Variants in ZBTB20 observed in about 807,000 individuals in gnomAD.
The protein encoded by ZBTB20 is zinc finger and BTB domain-containing protein 20.
In ZBTB20, 9 loss-of-function variants were observed where a neutral mutation model predicts 56.9. The ratio of observed to expected loss-of-function variants is 0.16; its 90% CI spans 0.10 to 0.28. The LOEUF is 0.28. ZBTB20 is among the 10% of genes least tolerant of loss of function. The pLI is 1.00. For synonymous variants in ZBTB20, 417 were observed against 420.7 expected (o/e 0.99, Z 0.11); for missense variants, 655 against 1,003.0 (o/e 0.65, Z 4.69).
At chr3:114,862,878 T>C (rs188476181) in intron 4 of ZBTB20, among the ~76,000 whole-genome samples, 38 of 152,236 alleles carry the variant, frequency 2.5e-4, no homozygotes, top group Non-Finnish European at 2.5e-4. Flanking sequence ...TCTAGGATAA[T>C]AGTGATCCTC....
intron 4 of ZBTB20, among the ~76,000 whole-genome samples, chr3:114,889,876 C>A (rs961389260): frequency 3.3e-5 from 5 of 151,936 alleles, no homozygotes; most frequent in Non-Finnish European, 7.4e-5. Flanking sequence ...ATACAGAAGA[C>A]CATATTTTAT....
At chr3:114,780,902 C>A (rs1205222482) in intron 5 of ZBTB20, among the ~76,000 whole-genome samples, 1 of 152,160 alleles carries the variant, frequency 6.6e-6, no homozygotes, top group Non-Finnish European at 1.5e-5. Flanking sequence ...TTCTGTATTA[C>A]CAACATGCTA....
chr3:114,717,798 T>G (rs1173282614), intron 5 of ZBTB20, among the ~76,000 whole-genome samples: 1 of 149,512 alleles, frequency 6.7e-6, no homozygotes, highest in East Asian at 2.0e-4. Flanking sequence ...CCAAATGCAA[T>G]GGTCACATTT....
chr3:114,641,227 T>C (rs891163234), intron 6 of ZBTB20, among the ~76,000 whole-genome samples: 2 of 152,000 alleles, frequency 1.3e-5, no homozygotes, highest in Non-Finnish European at 2.9e-5. Flanking sequence ...TGGCCAAGCA[T>C]GTTGTAGCAA....
intron 6 of ZBTB20, among the ~76,000 whole-genome samples, chr3:114,660,725 T>C (rs941866906): frequency 6.6e-6 from 1 of 152,206 alleles, no homozygotes; most frequent in African/African-American, 2.4e-5. Context: ...ACAGGTCATG[T>C]AATTTAAAAT....
At chr3:114,712,327 T>C (rs958110084) in intron 5 of ZBTB20, among the ~76,000 whole-genome samples, 5 of 152,166 alleles carry the variant, frequency 3.3e-5, no homozygotes, top group African/African-American at 9.7e-5. Flanking sequence ...CTTACAGTTA[T>C]ATAAAATTCT....
chr3:115,055,820 AAAAT>A (rs1206243689), intron 2 of ZBTB20, among the ~76,000 whole-genome samples: 1 of 152,138 alleles, frequency 6.6e-6, no homozygotes, highest in African/African-American at 2.4e-5. Context: ...TTCATACACT[AAAAT>A]AAATACAGAT....
In ZBTB20 at chr3:114,337,040, G is replaced by C. The variant is rs909036513; in HGVS notation, c.*1965C>G. 1 of 152,236 alleles carries C rather than the reference G, an allele frequency of 6.6e-6. No homozygotes were observed. The allele number at this position is 152,236 out of a possible 1,614,324, so 9.4% of individuals were successfully genotyped here. A position where few individuals can be genotyped will look rare whatever the true frequency, so the allele number is the denominator to read the frequency against. ...AGGAGAGAAATCCCTACTAGGAAGA[G>C]AGAGTGGCATCTGGTATGATGCAAT... is the stretch of plus-strand genomic sequence containing the variant. On this transcript the variant is annotated 3_prime_UTR_variant, in exon 12 of 12. Transcript: ENST00000675478.
intron 6 of ZBTB20, among the ~76,000 whole-genome samples, chr3:114,508,507 A>T (rs1286853524): frequency 6.6e-6 from 1 of 152,156 alleles, no homozygotes; most frequent in Non-Finnish European, 1.5e-5. Flanking sequence ...AAGCACTAAC[A>T]TGTACCAATC....
chr3:114,923,046 G>A (rs1438352786), intron 3 of ZBTB20, among the ~76,000 whole-genome samples: 1 of 152,124 alleles, frequency 6.6e-6, no homozygotes, highest in Non-Finnish European at 1.5e-5. Context: ...TTGGTACACT[G>A]AAAACTCTTA....
intron 6 of ZBTB20, among the ~76,000 whole-genome samples, chr3:114,682,481 T>C (rs759820318): frequency 6.6e-6 from 1 of 152,214 alleles, no homozygotes; most frequent in East Asian, 1.9e-4. Flanking sequence ...CCCTCAGTGA[T>C]AGAGCTGGAA....
intron 2 of ZBTB20, among the ~76,000 whole-genome samples, chr3:115,060,928 T>C (rs2081989628): frequency 6.6e-6 from 1 of 152,136 alleles, no homozygotes; most frequent in Admixed American, 6.6e-5. Context: ...GGAGATAAAG[T>C]TAACTCTGTA....
intron 5 of ZBTB20, among the ~76,000 whole-genome samples, chr3:114,710,807 A>T (rs921569876): frequency 1.3e-5 from 2 of 152,164 alleles, no homozygotes; most frequent in Admixed American, 6.5e-5. Flanking sequence ...TGTAAATGAG[A>T]TCATACATGC....
Position 114,938,178 on chromosome 3 carries a change from T to C in ZBTB20, c.-456+36188A>G, listed in dbSNP as rs552780905. 5.2e-4 allele frequency among the ~76,000 whole-genome samples: 75 copies of C among 143,780 alleles called. 15 individuals carry two copies. Among genetic ancestry groups the C allele is most frequent in the African/African-American group, 2.1e-3 (70 of 33,840 alleles). The allele number at this position is 143,780 out of a possible 152,430, so 94.3% of individuals were successfully genotyped here. ...CTTATAGATTCTGGATATTAGCCCT[T>C]TGTCAGATGGATAGATGGCAAAAAT... On this transcript the variant is annotated intron_variant, in intron 3 of 11. Coordinates refer to ENST00000675478, the MANE Select transcript of ZBTB20 (RefSeq NM_001348800.3).
intron 4 of ZBTB20, among the ~76,000 whole-genome samples, chr3:114,863,164 T>C (rs185834175): frequency 4.1e-4 from 63 of 152,212 alleles, no homozygotes; most frequent in African/African-American, 1.3e-3. Flanking sequence ...GAGGACATTA[T>C]AGCAAAAAGT....
chr3:114,342,881 G>C (rs370223340), intron 11 of ZBTB20, among the ~76,000 whole-genome samples: 1 of 152,220 alleles, frequency 6.6e-6, no homozygotes, highest in Non-Finnish European at 1.5e-5. Context: ...TTACATATGC[G>C]AATGGCAAGA....
chr3:114,820,837 C>T (rs920908219), intron 4 of ZBTB20, among the ~76,000 whole-genome samples: 2 of 152,118 alleles, frequency 1.3e-5, no homozygotes, highest in Non-Finnish European at 2.9e-5. Context: ...TATTTGACTA[C>T]AGCATTCACC....
intron 6 of ZBTB20, among the ~76,000 whole-genome samples, chr3:114,537,808 TA>T (rs1484159592): frequency 2.6e-5 from 4 of 152,140 alleles, no homozygotes; most frequent in Non-Finnish European, 4.4e-5. Flanking sequence ...ATGCAGCCAT[TA>T]AAAAAGGATG....
rs11439656 is a variant in ZBTB20, at chr3:114,449,683, TA to T, written c.-255+50668del. ...GTCATTCCCTTTGGAAGCCTAGCTT[TA>T]AAAAAAAAAAAAAAAAAAGGTTGCA... is the stretch of plus-strand genomic sequence containing the variant. On this transcript the variant is annotated intron_variant, in intron 7 of 11. Transcript: ENST00000675478. Among the ~76,000 whole-genome samples, 1,102 of 134,508 alleles carry T rather than the reference TA, an allele frequency of 8.2e-3. 20 individuals are homozygous for T. Among genetic ancestry groups the T allele is most frequent in the Admixed American group, 0.031 (423 of 13,588 alleles). 88.2% of individuals were successfully genotyped at this position (134,508 alleles called of 152,430 possible).
Sources: gnomAD v4.1 joint callset for allele counts (sites outside exome capture counted in the v4.1 genomes callset) on GRCh38, gnomAD v4.1.1 for gene constraint, MANE v1.5 for transcripts, NCBI Gene and HGNC (gene_info 2026-07-23, HGNC 2026-07-21) for gene names.